The following UBE2G2 variants were observed in gnomAD, a reference collection of about 807,000 sequenced individuals.
UBE2G2 encodes the protein ubiquitin conjugating enzyme E2 G2, also known as ubiquitin-conjugating enzyme E2 G2.
A neutral mutation model predicts 23.0 loss-of-function variants in UBE2G2; 10 were observed. The observed-to-expected ratio is 0.43, with a 90% CI of 0.27 to 0.74. The LOEUF (loss-of-function observed/expected upper bound fraction) is 0.74, where lower values mean the gene tolerates loss of function less well. Among genes scored for constraint, UBE2G2 ranks in the 30% least tolerant of loss-of-function variants. The pLI, the probability that UBE2G2 is intolerant of heterozygous loss-of-function variation, is 0.19. For missense variants in UBE2G2, 150 were observed against 218.3 expected, an observed-to-expected ratio of 0.69 and a Z score of 1.97; for synonymous variants, 86 against 81.3, an observed-to-expected ratio of 1.06 and a Z score of -0.31.
rs782094670 is a variant in UBE2G2 at position 44,801,776 on chromosome 21, C to T, written c.-28G>A. Reference sequence around the variant, plus strand: ...CCCCGCAACAGCTGCGCCGAGCGACCTCGCCTCAGCCGCGCGCGTGCCTCC... The same window carrying T: ...CCCCGCAACAGCTGCGCCGAGCGACTTCGCCTCAGCCGCGCGCGTGCCTCC... On this transcript the variant is annotated 5_prime_UTR_variant, in exon 1 of 6. Transcript: ENST00000345496. 6.6e-7 allele frequency: 1 copy of T among 1,508,910 alleles called. No individual in the cohort carries two copies. The highest frequency in any genetic ancestry group is 1.3e-5 in the South Asian group (1 of 79,956). The allele number at this position is 1,508,910 out of a possible 1,614,324, so 93.5% of individuals were successfully genotyped here. A position where few individuals can be genotyped will look rare whatever the true frequency, so the allele number is the denominator to read the frequency against.
In UBE2G2 at chr21:44,770,924, G is replaced by A. The variant is rs1555959761; in HGVS notation, c.*453C>T. The A allele has an allele frequency of 6.4e-6, 1 of 155,664 alleles. No homozygotes were observed. The highest frequency in any genetic ancestry group is 6.4e-5 in the Admixed American group (1 of 15,668). 9.6% of individuals were successfully genotyped at this position (155,664 alleles called of 1,614,324 possible). A position where few individuals can be genotyped will look rare whatever the true frequency, so the allele number is the denominator to read the frequency against. ...TCCTCATGGGGCCCACAGGGAACCA[G>A]GAAGGACCCAGAAAGGGTGCCGGGC... On this transcript the variant is annotated 3_prime_UTR_variant, in exon 6 of 6. Coordinates refer to ENST00000345496, the MANE Select transcript of UBE2G2 (RefSeq NM_003343.6).
chr21:44,797,740 A>G lies in UBE2G2; in HGVS notation c.43+3966T>C, dbSNP rs373506150. On this transcript the variant is annotated intron_variant, in intron 1 of 5. Transcript: ENST00000345496. Reference sequence around the variant, plus strand: ...AAAAAAAAAAAAAAAAAAAAAAAAAAAGAGAAAATACCTGCTCACAGTCTA... The same window carrying G: ...AAAAAAAAAAAAAAAAAAAAAAAAAGAGAGAAAATACCTGCTCACAGTCTA... Among the ~76,000 whole-genome samples the G allele has an allele frequency of 5.1e-3, 586 of 114,302 alleles. 9 individuals are homozygous for G. Among genetic ancestry groups the G allele is most frequent in the Middle Eastern group, 0.02 (4 of 198 alleles). 75.0% of individuals were successfully genotyped at this position (114,302 alleles called of 152,430 possible).
chr21:44,779,634 G>A (rs1213991622), intron 3 of UBE2G2, among the ~76,000 whole-genome samples: 1 of 152,182 alleles, frequency 6.6e-6, no homozygotes, highest in Non-Finnish European at 1.5e-5. Flanking sequence ...TCAACACAGG[G>A]TGGGCACACA....
In UBE2G2 at chr21:44,801,770, A is replaced by C; in HGVS notation, c.-22T>G. The C allele has an allele frequency of 6.6e-7, 1 of 1,512,648 alleles. No homozygotes were observed. Among genetic ancestry groups the C allele is most frequent in the Non-Finnish European group, 8.8e-7 (1 of 1,133,198 alleles). The allele number at this position is 1,512,648 out of a possible 1,614,324, so 93.7% of individuals were successfully genotyped here. Reference sequence around the variant, plus strand: ...CCATGGCCCCGCAACAGCTGCGCCGAGCGACCTCGCCTCAGCCGCGCGCGT... The same window carrying C: ...CCATGGCCCCGCAACAGCTGCGCCGCGCGACCTCGCCTCAGCCGCGCGCGT... On this transcript the variant is annotated 5_prime_UTR_variant, in exon 1 of 6. Coordinates refer to ENST00000345496, the MANE Select transcript of UBE2G2 (RefSeq NM_003343.6).
In UBE2G2 at chr21:44,777,044, G is replaced by T. The variant is rs2082918338; in HGVS notation, c.244+255C>A. 1.5e-5 allele frequency: 6 copies of T among 394,834 alleles called. No homozygotes were observed. In the South Asian group the frequency reaches 1.9e-4, roughly 13 times the overall value. 24.5% of individuals were successfully genotyped at this position (394,834 alleles called of 1,614,324 possible). ...ACCCATGTGTAAAACTTCCTCCCCA[G>T]TGAAGTAGGGTGGCTGGGTCAAATG... On this transcript the variant is annotated intron_variant, in intron 4 of 5. Transcript: ENST00000345496.
At chr21:44,783,872 A>C (rs1384644776) in intron 3 of UBE2G2, among the ~76,000 whole-genome samples, 1 of 152,250 alleles carries the variant, frequency 6.6e-6, no homozygotes, top group African/African-American at 2.4e-5. Flanking sequence ...AAAGCTGTTT[A>C]GGCTGGGTGC....
intron 3 of UBE2G2, among the ~76,000 whole-genome samples, chr21:44,782,424 G>C (rs782299299): frequency 1.3e-5 from 2 of 152,182 alleles, no homozygotes; most frequent in African/African-American, 4.8e-5. Flanking sequence ...AATCCCACCA[G>C]GCATTTTGTA....
intron 1 of UBE2G2, among the ~76,000 whole-genome samples, chr21:44,798,776 G>T (rs138539904): frequency 1.3e-5 from 2 of 152,232 alleles, no homozygotes; most frequent in South Asian, 2.1e-4. Flanking sequence ...TTTTTCAAAC[G>T]CCTGTTGTTG....
chr21:44,799,539 A>G (rs781970891), intron 1 of UBE2G2, among the ~76,000 whole-genome samples: 13 of 152,280 alleles, frequency 8.5e-5, no homozygotes, highest in South Asian at 2.1e-4. Context: ...TTAGCTCCCA[A>G]TTTTTCTTCT....
Position 44,771,837 on chromosome 21 carries a change from C to T in UBE2G2, c.386-348G>A, listed in dbSNP as rs539705701. ...ACTTCTGGCACCCGGACAAGCTACA[C>T]GGGGACCACCTGCTGCTTATTTCAC... is the stretch of plus-strand genomic sequence containing the variant. On this transcript the variant is annotated intron_variant, in intron 5 of 5. Transcript: ENST00000345496. This position sits in a 1 kb window ranked among gnomAD's most constrained non-coding sequence, Gnocchi z 4.6. 3.4e-3 allele frequency among the ~76,000 whole-genome samples: 518 copies of T among 152,320 alleles called. 2 individuals carry two copies. The highest frequency in any genetic ancestry group is 0.012 in the African/African-American group (499 of 41,572).
intron 1 of UBE2G2, among the ~76,000 whole-genome samples, chr21:44,797,714 CAAAA>C (rs60369865): frequency 1.8e-4 from 7 of 39,322 alleles, no homozygotes; most frequent in African/African-American, 5.7e-4. Context: ...AACTCCGTCT[CAAAA>C]AAAAAAAAAA....
rs1186806433 is a variant in UBE2G2 at position 44,771,552 on chromosome 21, G to T, written c.386-63C>A. The T allele has an allele frequency of 3.9e-6, 6 of 1,532,556 alleles. No individual in the cohort carries two copies. The highest frequency in any genetic ancestry group is 4.5e-6 in the Non-Finnish European group (5 of 1,118,546). 94.9% of individuals were successfully genotyped at this position (1,532,556 alleles called of 1,614,324 possible). On this transcript the variant is annotated intron_variant, in intron 5 of 5. Transcript: ENST00000345496. This position sits in a 1 kb window ranked among gnomAD's most constrained non-coding sequence, Gnocchi z 4.6. Reference sequence around the variant, plus strand: ...TCTTATACGTAAGCAGCCTGGCAAGGTCTCCCATTTATTTAAAACACTGGC... The same window carrying T: ...TCTTATACGTAAGCAGCCTGGCAAGTTCTCCCATTTATTTAAAACACTGGC...
At chr21:44,773,323 G>C (rs1332961150) in intron 5 of UBE2G2, among the ~76,000 whole-genome samples, 1 of 152,212 alleles carries the variant, frequency 6.6e-6, no homozygotes, top group Non-Finnish European at 1.5e-5. Flanking sequence ...AAGGACCAGA[G>C]ACCAGTTAAT....
intron 1 of UBE2G2, among the ~76,000 whole-genome samples, chr21:44,793,868 A>G (rs2083064612): frequency 6.6e-6 from 1 of 152,234 alleles, no homozygotes; most frequent in African/African-American, 2.4e-5. Context: ...TGTAAAAACA[A>G]AAAGAAATTA....
At chr21:44,794,132 C>T (rs2083066867) in intron 1 of UBE2G2, among the ~76,000 whole-genome samples, 1 of 152,204 alleles carries the variant, frequency 6.6e-6, no homozygotes, top group African/African-American at 2.4e-5. Context: ...AGGACACAGG[C>T]ATAGAGGACA....
At chr21:44,801,130 C>G (rs1399330784) in intron 1 of UBE2G2, 1 of 169,132 alleles carries the variant, frequency 5.9e-6, no homozygotes, top group Non-Finnish European at 1.2e-5. Flanking sequence ...CCTAGGTTCT[C>G]ATTTCTCCCT....
chr21:44,785,498 A>G (rs2082989287), intron 3 of UBE2G2, among the ~76,000 whole-genome samples: 1 of 152,222 alleles, frequency 6.6e-6, no homozygotes, highest in Admixed American at 6.5e-5. Context: ...TTTGTTGCTT[A>G]GATATCTAAA....
Position 44,797,740 on chromosome 21 carries a change from A to AAAAG in UBE2G2, c.43+3965_43+3966insCTTT, listed in dbSNP as rs781868771. 1.6e-3 allele frequency among the ~76,000 whole-genome samples: 186 copies of AAAAG among 114,382 alleles called. 9 individuals carry two copies. The highest frequency in any genetic ancestry group is 4.1e-3 in the African/African-American group (129 of 31,144). The allele number at this position is 114,382 out of a possible 152,430, so 75.0% of individuals were successfully genotyped here. ...AAAAAAAAAAAAAAAAAAAAAAAAA[A>AAAAG]AGAGAAAATACCTGCTCACAGTCTA... is the stretch of plus-strand genomic sequence containing the variant. On this transcript the variant is annotated intron_variant, in intron 1 of 5. Transcript: ENST00000345496.
chr21:44,788,280 T>TTTG (rs1555962407), intron 1 of UBE2G2, among the ~76,000 whole-genome samples, 185 bp from the exon 2 acceptor site: 1 of 121,272 alleles, frequency 8.2e-6, no homozygotes. Flanking sequence ...CTACACAAAG[T>TTTG]TTTTTTGTTT....
Sources: allele counts gnomAD v4.1 joint callset (sites outside exome capture counted in the v4.1 genomes callset), GRCh38; gene constraint gnomAD v4.1.1; non-coding constraint Gnocchi (gnomAD v3.1); transcripts MANE v1.5; gene names NCBI Gene and HGNC (gene_info 2026-07-23, HGNC 2026-07-21).